TCF20: variants seen among roughly 807,000 people sequenced by gnomAD.
TCF20 encodes transcription factor 20, also known as SPRE-binding protein.
Under a neutral mutation model 148.6 loss-of-function variants are expected in TCF20, and 3 were observed. The ratio of observed to expected loss-of-function variants is 0.02; its 90% CI spans 0.01 to 0.05. The LOEUF is 0.05. TCF20 is among the 10% of genes least tolerant of loss of function. TCF20 has a pLI of 1.00. For missense variants in TCF20, 2,350 were observed against 2,429.3 expected, an observed-to-expected ratio of 0.97 and a Z score of 0.69; for synonymous variants, 1,049 against 909.5, an observed-to-expected ratio of 1.15 and a Z score of -2.76.
At chr22:42,195,051 T>C (rs1291275442) in intron 2 of TCF20, among the ~76,000 whole-genome samples, 1 of 150,862 alleles carries the variant, frequency 6.6e-6, no homozygotes, top group Non-Finnish European at 1.5e-5. Context: ...TTTCAATGTC[T>C]AGGAGGCATC....
chr22:42,194,439 A>C (rs1019213737), intron 2 of TCF20, among the ~76,000 whole-genome samples: 6 of 152,200 alleles, frequency 3.9e-5, no homozygotes, highest in African/African-American at 1.4e-4. Flanking sequence ...AGATACTATC[A>C]ACAACCCCGG....
chr22:42,185,121 T>G (rs1460867788), intron 2 of TCF20, among the ~76,000 whole-genome samples: 4 of 152,214 alleles, frequency 2.6e-5, no homozygotes, highest in Non-Finnish European at 5.9e-5. Flanking sequence ...TCCTGTTTAA[T>G]TAGCATCTCA....
chr22:42,166,501 G>A (rs1302463772), intron 5 of TCF20, among the ~76,000 whole-genome samples: 5 of 152,132 alleles, frequency 3.3e-5, no homozygotes, highest in African/African-American at 4.8e-5. Flanking sequence ...CCAGCTACTC[G>A]GGAGGGCTGA....
At chr22:42,253,542 T>C (rs965618214) in intron 1 of TCF20, among the ~76,000 whole-genome samples, 3 of 152,190 alleles carry the variant, frequency 2.0e-5, no homozygotes, top group Admixed American at 6.5e-5. Flanking sequence ...GATTTACCCC[T>C]TAAATATAGG....
intron 2 of TCF20, among the ~76,000 whole-genome samples, chr22:42,196,031 G>C (rs760691694): frequency 6.6e-6 from 1 of 152,228 alleles, no homozygotes; most frequent in Non-Finnish European, 1.5e-5. Context: ...GTCACCCCAA[G>C]AGCAGCTCCA....
At chr22:42,217,911 C>G (rs1276498678) in intron 1 of TCF20, among the ~76,000 whole-genome samples, 1 of 152,214 alleles carries the variant, frequency 6.6e-6, no homozygotes, top group Non-Finnish European at 1.5e-5. Flanking sequence ...AACAGCTAGA[C>G]AAGGGTCTAC....
chr22:42,306,787 C>A (rs564113790), intron 1 of TCF20, among the ~76,000 whole-genome samples: 203 of 152,184 alleles, frequency 1.3e-3, no homozygotes, highest in African/African-American at 4.6e-3. Flanking sequence ...ACCTGTAATC[C>A]CAGCACTTTG....
At chr22:42,277,110 A>C (rs1926796944) in intron 1 of TCF20, 1 of 152,212 alleles carries the variant, frequency 6.6e-6, no homozygotes, top group South Asian at 2.1e-4. Context: ...CTGTCTAACT[A>C]GACAAGTTGG....
intron 2 of TCF20, among the ~76,000 whole-genome samples, chr22:42,194,735 G>A (rs1937509389): frequency 6.6e-6 from 1 of 152,096 alleles, no homozygotes; most frequent in African/African-American, 2.4e-5. Flanking sequence ...TGGCAAAGCA[G>A]CAGAGTGTGG....
intron 1 of TCF20, among the ~76,000 whole-genome samples, chr22:42,239,349 G>A (rs1255137821): frequency 6.7e-6 from 1 of 149,906 alleles, no homozygotes. Flanking sequence ...GATGGCGCAT[G>A]CCTGTAATCC....
intron 3 of TCF20, among the ~76,000 whole-genome samples, chr22:42,175,582 G>A (rs953062488): frequency 2.0e-5 from 3 of 151,542 alleles, no homozygotes; most frequent in Non-Finnish European, 2.9e-5. Flanking sequence ...CTTGTGATCC[G>A]CCCACTTCGG....
intron 1 of TCF20, among the ~76,000 whole-genome samples, chr22:42,220,848 C>G (rs911269161): frequency 5.3e-5 from 8 of 152,184 alleles, no homozygotes; most frequent in Non-Finnish European, 1.0e-4. Context: ...CAACATATAG[C>G]CACTTTCTCC....
At chr22:42,336,552 T>G (rs1928071213) in intron 1 of TCF20, among the ~76,000 whole-genome samples, 1 of 151,150 alleles carries the variant, frequency 6.6e-6, no homozygotes, top group South Asian at 2.1e-4. Flanking sequence ...CGTCTCTGCC[T>G]CCAAACCTGC....
intron 1 of TCF20, among the ~76,000 whole-genome samples, chr22:42,219,779 C>A (rs932802367): frequency 5.3e-5 from 8 of 152,070 alleles, no homozygotes; most frequent in Non-Finnish European, 7.4e-5. Context: ...TCGCCTGAGC[C>A]TCGGAGGCAG....
chr22:42,258,653 T>A (rs776339181), intron 1 of TCF20, among the ~76,000 whole-genome samples: 3 of 152,194 alleles, frequency 2.0e-5, no homozygotes, highest in African/African-American at 7.2e-5. Flanking sequence ...TTTTTCAGTA[T>A]AGTATTCAAT....
At chr22:42,225,950 A>T (rs1922850387) in intron 1 of TCF20, among the ~76,000 whole-genome samples, 2 of 152,234 alleles carry the variant, frequency 1.3e-5, no homozygotes, top group African/African-American at 2.4e-5. Context: ...CAGGCCTATT[A>T]TTAGGCATAA....
At chr22:42,215,480 G>C in intron 1 of TCF20, 139 bp from the exon 2 acceptor site, 1 of 1,076,296 alleles carries the variant, frequency 9.3e-7, no homozygotes, top group Non-Finnish European at 1.3e-6. Context: ...TTTTTTTTTT[G>C]GTTTTTTGAG....
intron 1 of TCF20, among the ~76,000 whole-genome samples, chr22:42,337,162 C>T (rs966555809): frequency 6.6e-6 from 1 of 152,150 alleles, no homozygotes; most frequent in African/African-American, 2.4e-5. Context: ...TGCCTCATGT[C>T]CAAGGCCCCT....
intron 1 of TCF20, among the ~76,000 whole-genome samples, chr22:42,328,113 T>C (rs906473578): frequency 6.6e-6 from 1 of 152,108 alleles, no homozygotes. Context: ...AGGGCTTGTC[T>C]TCTCTCAACT....
Sources: gnomAD v4.1 joint callset for allele counts (sites outside exome capture counted in the v4.1 genomes callset) on GRCh38, gnomAD v4.1.1 for gene constraint, MANE v1.5 for transcripts, NCBI Gene and HGNC (gene_info 2026-07-23, HGNC 2026-07-21) for gene names.